ABCA3: variants seen among roughly 807,000 people sequenced by gnomAD.
ABCA3 encodes the protein ATP binding cassette subfamily A member 3.
ABCA3 carries 88 observed loss-of-function variants against 172.8 expected under a neutral mutation model. That is an observed-to-expected ratio of 0.51 (90% CI 0.43 to 0.61). The LOEUF is 0.61. ABCA3 is among the 20% of genes least tolerant of loss of function. ABCA3 has a pLI of 0.00. For missense variants in ABCA3, 2,164 were observed against 2,301.0 expected (o/e 0.94, Z 1.22); for synonymous variants, 1,066 against 983.8 (o/e 1.08, Z -1.56).
rs2093650607 is a variant in ABCA3, at chr16:2,278,716, G to A, written c.4547+227C>T. On this transcript the variant is annotated intron_variant, in intron 29 of 32. Coordinates refer to ENST00000301732, the MANE Select transcript of ABCA3 (RefSeq NM_001089.3). The surrounding 1 kb of genome is among the most constrained non-coding windows in gnomAD (Gnocchi z 4.4). ...TGCCTGCACCTAAAGGGGACCTGCCGACCCTGACATCTCTCACTGCTGGCT... is the reference window on the plus strand; with the variant it reads ...TGCCTGCACCTAAAGGGGACCTGCCAACCCTGACATCTCTCACTGCTGGCT... Among the ~76,000 whole-genome samples the A allele has an allele frequency of 1.3e-5, 2 of 152,184 alleles. No individual in the cohort carries two copies. The highest frequency in any genetic ancestry group is 6.5e-5 in the Admixed American group (1 of 15,282).
Position 2,297,949 on chromosome 16 carries a change from G to A in ABCA3, c.1897-28C>T. The stretch of plus-strand genomic sequence containing the variant: ...GCAACGACAGGGGACGCAGGGAGAT[G>A]CAGGGCTCCTGGCGGGAGGCCGACC... On this transcript the variant is annotated intron_variant, in intron 15 of 32. Coordinates refer to ENST00000301732, the MANE Select transcript of ABCA3 (RefSeq NM_001089.3). The surrounding 1 kb of genome is among the most constrained non-coding windows in gnomAD (Gnocchi z 5.6). 1 of 1,612,700 alleles carries A rather than the reference G, an allele frequency of 6.2e-7. No homozygotes were observed. Among genetic ancestry groups the A allele is most frequent in the South Asian group, 1.1e-5 (1 of 91,016 alleles).
chr16:2,295,990 G>T (rs1281264271), intron 17 of ABCA3, among the ~76,000 whole-genome samples: 1 of 152,220 alleles, frequency 6.6e-6, no homozygotes, highest in Non-Finnish European at 1.5e-5. Flanking sequence ...GCACCTGCTG[G>T]AAGGTGGGGT....
At chr16:2,309,654 G>A (rs755882593) in intron 10 of ABCA3, among the ~76,000 whole-genome samples, 2 of 152,138 alleles carry the variant, frequency 1.3e-5, no homozygotes, top group Non-Finnish European at 2.9e-5. Flanking sequence ...GTCCCCCTCT[G>A]TCACCTAGGC....
In ABCA3 at chr16:2,340,574, G is replaced by C. The variant is rs1035320974; in HGVS notation, c.-540C>G. 1 of 148,714 alleles carries C rather than the reference G, an allele frequency of 6.7e-6. No individual in the cohort carries two copies. Among genetic ancestry groups the C allele is most frequent in the Non-Finnish European group, 1.5e-5 (1 of 66,516 alleles). 9.2% of individuals were successfully genotyped at this position (148,714 alleles called of 1,614,324 possible). A position where few individuals can be genotyped will look rare whatever the true frequency, so the allele number is the denominator to read the frequency against. On this transcript the variant is annotated splice_region_variant and 5_prime_UTR_variant, in exon 1 of 33. Coordinates refer to ENST00000301732, the MANE Select transcript of ABCA3 (RefSeq NM_001089.3). ...GCGGCGGGTCCCGGCGGCACTCACC[G>C]AGCCTGGGCGCCGGGGCGGCGGCGG...
Position 2,324,520 on chromosome 16 carries a change from G to A in ABCA3, c.331C>T (p.Pro111Ser). ...LVINMRVRGFPSEKDFEDYIR... is the reference protein window; with the variant it reads ...LVINMRVRGFSSEKDFEDYIR... ...TAGTCCTCAAAGTCCTTCTCGGAGG[G>A]AAAGCCGCGCACTGCAAAGAGAGAG... Residue 111 changes from proline (P) to serine (S), a missense_variant, in exon 6 of 33, where the codon CCC becomes TCC. Transcript: ENST00000301732. 5 of 1,609,958 alleles carry A rather than the reference G, an allele frequency of 3.1e-6. No homozygotes were observed. The South Asian group carries it at 5.5e-5, about 18-fold the overall frequency.
intron 1 of ABCA3, among the ~76,000 whole-genome samples, chr16:2,336,369 C>T (rs1156909990): frequency 6.6e-6 from 1 of 152,036 alleles, no homozygotes; most frequent in African/African-American, 2.4e-5. Flanking sequence ...GGGTCTGTGC[C>T]TTTCTCTGTA....
chr16:2,301,113 C>T (rs2093688591), intron 12 of ABCA3, among the ~76,000 whole-genome samples: 1 of 151,300 alleles, frequency 6.6e-6, no homozygotes, highest in Non-Finnish European at 1.5e-5. Context: ...CGCCTATAGT[C>T]CCAGCTACTC....
At chr16:2,336,349 C>T (rs1230372426) in intron 1 of ABCA3, among the ~76,000 whole-genome samples, 2 of 151,986 alleles carry the variant, frequency 1.3e-5, no homozygotes, top group Admixed American at 1.3e-4. Context: ...TACCCTGCCT[C>T]GTAAGCACAG....
At chr16:2,323,415 G>A in intron 7 of ABCA3, 108 bp downstream of exon 7, 1 of 1,445,372 alleles carries the variant, frequency 6.9e-7, no homozygotes, top group South Asian at 1.2e-5. Flanking sequence ...CAAATGTCCT[G>A]AAAAGTATTT....
intron 10 of ABCA3, among the ~76,000 whole-genome samples, chr16:2,315,529 C>T (rs2093713859): frequency 6.6e-6 from 1 of 151,792 alleles, no homozygotes; most frequent in African/African-American, 2.4e-5. Flanking sequence ...CTTACCAATG[C>T]CCACTAGAAG....
At chr16:2,317,039 G>A (rs181860480) in intron 10 of ABCA3, among the ~76,000 whole-genome samples, 6 of 152,312 alleles carry the variant, frequency 3.9e-5, no homozygotes, top group East Asian at 3.9e-4. Context: ...CTTCTGGCTC[G>A]CCTTCCCTTT....
intron 19 of ABCA3, 22 bp downstream of exon 19, chr16:2,292,118 A>T (rs1310524217): frequency 1.9e-6 from 3 of 1,589,682 alleles, no homozygotes; most frequent in Non-Finnish European, 1.7e-6. Flanking sequence ...TCCTAGGTGG[A>T]CGGAAATGCG....
chr16:2,287,880 G>T lies in ABCA3; in HGVS notation c.3004+146C>A. The T allele has an allele frequency of 1.0e-6, 1 of 1,002,220 alleles. No homozygotes were observed. Among genetic ancestry groups the T allele is most frequent in the Non-Finnish European group, 1.5e-6 (1 of 679,622 alleles). The allele number at this position is 1,002,220 out of a possible 1,614,324, so 62.1% of individuals were successfully genotyped here. A position where few individuals can be genotyped will look rare whatever the true frequency, so the allele number is the denominator to read the frequency against. Reference sequence around the variant, plus strand: ...GTCATGATGGGGTGGGGCAAGGTCAGGGATGCTGCTGAACCTCCCTCAGTA... The same window carrying T: ...GTCATGATGGGGTGGGGCAAGGTCATGGATGCTGCTGAACCTCCCTCAGTA... On this transcript the variant is annotated intron_variant, in intron 21 of 32. Transcript: ENST00000301732. This position sits in a 1 kb window ranked among gnomAD's most constrained non-coding sequence, Gnocchi z 4.1.
chr16:2,326,535 A>C (rs1378500068), intron 3 of ABCA3, 43 bp from the exon 4 acceptor site: 1 of 1,557,478 alleles, frequency 6.4e-7, no homozygotes, highest in East Asian at 2.4e-5. Context: ...GCGCAATAGA[A>C]ACACGCAGAG....
Position 2,334,306 on chromosome 16 carries a change from C to T in ABCA3, c.-538-4452G>A, listed in dbSNP as rs867468561. 7.2e-5 allele frequency among the ~76,000 whole-genome samples: 11 copies of T among 152,200 alleles called. No homozygotes were observed. The Middle Eastern group carries it at 0.014, about 188-fold the overall frequency. On this transcript the variant is annotated intron_variant, in intron 1 of 32. Transcript: ENST00000301732. ...GAGAATGAGCCAGGAAAGGCGCAGA[C>T]CCTGGGCCCATGTCATCAAGGCGCT...
chr16:2,281,005 G>A lies in ABCA3; in HGVS notation c.4359+22C>T, dbSNP rs1360850061. ...CAGCCATGCCTGTCTCACCCCTTCA[G>A]AGCCTCCCTGGCTGCACCCACCTTT... On this transcript the variant is annotated intron_variant, in intron 28 of 32. Transcript: ENST00000301732. This position sits in a 1 kb window ranked among gnomAD's most constrained non-coding sequence, Gnocchi z 4.7. 3 of 1,613,608 alleles carry A rather than the reference G, an allele frequency of 1.9e-6. No individual in the cohort carries two copies. The Admixed American group carries it at 5.0e-5, about 27-fold the overall frequency.
Position 2,324,491 on chromosome 16 carries a change from A to C in ABCA3, c.360T>G (p.Ile120Met). Reference sequence around the variant, plus strand: ...CGCTGGACGAGCAGTTGTCGTACCTAATGTAGTCCTCAAAGTCCTTCTCGG... The same window carrying C: ...CGCTGGACGAGCAGTTGTCGTACCTCATGTAGTCCTCAAAGTCCTTCTCGG... ...FPSEKDFEDY[I>M]RYDNCSSSVL... is the part of the protein sequence containing the mutation. Residue 120 changes from isoleucine (I) to methionine (M), a missense_variant, in exon 6 of 33, where the codon ATT (isoleucine) becomes ATG (methionine). Transcript: ENST00000301732. The C allele has an allele frequency of 1.2e-6, 2 of 1,610,788 alleles. No homozygotes were observed. The highest frequency in any genetic ancestry group is 1.7e-6 in the Non-Finnish European group (2 of 1,179,900).
chr16:2,291,732 G>A (rs1409360106), intron 19 of ABCA3, among the ~76,000 whole-genome samples: 2 of 152,192 alleles, frequency 1.3e-5, no homozygotes, highest in African/African-American at 2.4e-5. Context: ...CCAGCCTCAC[G>A]TGGGCATTTG....
intron 18 of ABCA3, among the ~76,000 whole-genome samples, chr16:2,295,056 A>C (rs2093677590): frequency 6.6e-6 from 1 of 152,198 alleles, no homozygotes; most frequent in Non-Finnish European, 1.5e-5. Context: ...AAATCAAACA[A>C]CAAACTGGAG....
Sources: allele counts gnomAD v4.1 joint callset (sites outside exome capture counted in the v4.1 genomes callset), GRCh38; gene constraint gnomAD v4.1.1; non-coding constraint Gnocchi (gnomAD v3.1); transcripts MANE v1.5; gene names NCBI Gene and HGNC (gene_info 2026-07-23, HGNC 2026-07-21).